Variants in RBFOX1 observed in about 807,000 individuals in gnomAD.
RBFOX1 encodes RNA binding protein fox-1 homolog 1.
RBFOX1 carries 8 observed loss-of-function variants against 57.7 expected under a neutral mutation model. That is an observed-to-expected ratio of 0.14 (90% CI 0.08 to 0.25). RBFOX1 has a LOEUF of 0.25. Ranked by LOEUF, RBFOX1 falls within the 10% of genes least tolerant of loss-of-function variation. The pLI is 1.00. For missense variants in RBFOX1, 611 were observed against 548.5 expected, an observed-to-expected ratio of 1.11 and a Z score of -1.14; for synonymous variants, 326 against 222.4, an observed-to-expected ratio of 1.47 and a Z score of -4.15.
chr16:5,276,640 G>C (rs1053498438), intron 1 of RBFOX1, among the ~76,000 whole-genome samples: 3 of 152,070 alleles, frequency 2.0e-5, no homozygotes, highest in African/African-American at 7.2e-5. Context: ...AAAATTAGCC[G>C]GGCATGGTGG....
At position 5,917,475 on chromosome 16, in the gene RBFOX1, C is replaced by T. The variant is rs530542844; in HGVS notation, c.351+50140C>T. Among the ~76,000 whole-genome samples the T allele has an allele frequency of 6.5e-4, 99 of 152,288 alleles. 1 individual carries two copies. In the South Asian group the frequency reaches 0.019, roughly 29 times the overall value. ...AAGTAATTTTCTCAAGATAATCTGT[C>T]GGATCGGGACCTCATAATGATTGCA... On this transcript the variant is annotated intron_variant, in intron 4 of 19. Transcript: ENST00000641259.
intron 3 of RBFOX1, among the ~76,000 whole-genome samples, chr16:5,701,923 A>C (rs1303683351): frequency 6.6e-6 from 1 of 152,212 alleles, no homozygotes; most frequent in Non-Finnish European, 1.5e-5. Flanking sequence ...TCTTCCACAC[A>C]GTATAAACTC....
chr16:6,872,510 A>T (rs1044708297), intron 3 of RBFOX1, among the ~76,000 whole-genome samples: 5 of 152,208 alleles, frequency 3.3e-5, no homozygotes, highest in African/African-American at 9.6e-5. Context: ...TGAATTCCCT[A>T]TGATTTTCTT....
intron 3 of RBFOX1, among the ~76,000 whole-genome samples, chr16:5,613,775 G>A (rs903086815): frequency 6.6e-6 from 1 of 151,822 alleles, no homozygotes; most frequent in Non-Finnish European, 1.5e-5. Flanking sequence ...TGTCATCCTT[G>A]TTTAACTCCC....
At chr16:7,534,076 CG>C (rs2080860928) in intron 5 of RBFOX1, among the ~76,000 whole-genome samples, 1 of 119,842 alleles carries the variant, frequency 8.3e-6, no homozygotes. Flanking sequence ...AAGGTCCCAA[CG>C]TTTTTTTTCT....
At chr16:6,494,606 C>G (rs774017718) in intron 2 of RBFOX1, among the ~76,000 whole-genome samples, 1 of 152,174 alleles carries the variant, frequency 6.6e-6, no homozygotes, top group African/African-American at 2.4e-5. Context: ...TCTGGGTTGG[C>G]TTTGACCATC....
At chr16:5,652,397 C>T (rs1359686239) in intron 3 of RBFOX1, among the ~76,000 whole-genome samples, 2 of 152,184 alleles carry the variant, frequency 1.3e-5, no homozygotes, top group Non-Finnish European at 2.9e-5. Flanking sequence ...AAAGCCTGTG[C>T]TTTTAACCAC....
intron 2 of RBFOX1, among the ~76,000 whole-genome samples, chr16:5,557,146 G>C (rs2045708639): frequency 6.6e-6 from 1 of 152,114 alleles, no homozygotes; most frequent in South Asian, 2.1e-4. Context: ...TGTAGTCCCA[G>C]CTACTCAGGA....
At chr16:6,878,120 T>G (rs1380252738) in intron 3 of RBFOX1, among the ~76,000 whole-genome samples, 1 of 152,060 alleles carries the variant, frequency 6.6e-6, no homozygotes, top group East Asian at 1.9e-4. Flanking sequence ...TGCAAGGACT[T>G]CTAAGAGAAG....
At chr16:7,646,378 G>T (rs911787834) in intron 11 of RBFOX1, among the ~76,000 whole-genome samples, 5 of 152,160 alleles carry the variant, frequency 3.3e-5, no homozygotes, top group Admixed American at 2.6e-4. Flanking sequence ...CCATCAACCC[G>T]CTGTTGAAAG....
chr16:6,877,373 A>G (rs919134531), intron 3 of RBFOX1, among the ~76,000 whole-genome samples: 3 of 152,194 alleles, frequency 2.0e-5, no homozygotes, highest in African/African-American at 4.8e-5. Flanking sequence ...TAATTCTCTA[A>G]TAACTGACAT....
At chr16:5,402,575 C>G (rs919463936) in intron 1 of RBFOX1, among the ~76,000 whole-genome samples, 2 of 152,194 alleles carry the variant, frequency 1.3e-5, no homozygotes, top group African/African-American at 4.8e-5. Flanking sequence ...ATTCTAAAAA[C>G]TTTTCAGTTG....
At chr16:6,621,165 T>C (rs1034891216) in intron 2 of RBFOX1, among the ~76,000 whole-genome samples, 4 of 152,190 alleles carry the variant, frequency 2.6e-5, no homozygotes, top group Admixed American at 6.5e-5. Context: ...CTTTCTCTTA[T>C]AAAAACACTA....
chr16:7,262,082 C>G (rs1249659633), intron 4 of RBFOX1, among the ~76,000 whole-genome samples: 2 of 151,954 alleles, frequency 1.3e-5, no homozygotes, highest in Non-Finnish European at 2.9e-5. Context: ...CTATGTTTTC[C>G]TTTTGCTGGG....
At chr16:7,418,723 C>G (rs146025110) in intron 4 of RBFOX1, among the ~76,000 whole-genome samples, 4 of 152,134 alleles carry the variant, frequency 2.6e-5, no homozygotes, top group Non-Finnish European at 5.9e-5. Flanking sequence ...CTCTCTAGAA[C>G]TAATACTTTA....
intron 1 of RBFOX1, among the ~76,000 whole-genome samples, chr16:5,332,499 T>C (rs542553984): frequency 3.0e-4 from 46 of 152,206 alleles, no homozygotes; most frequent in Admixed American, 9.2e-4. Flanking sequence ...TCTGGCCTCA[T>C]GTGATCTGCC....
At chr16:6,429,606 C>T (rs114489533) in intron 2 of RBFOX1, among the ~76,000 whole-genome samples, 5,587 of 152,212 alleles carry the variant, frequency 0.037, 365 homozygotes, top group African/African-American at 0.13. Flanking sequence ...TAATAATCCC[C>T]ATGTGTCAAG....
At chr16:5,397,843 G>T (rs984540301) in intron 1 of RBFOX1, among the ~76,000 whole-genome samples, 9 of 152,170 alleles carry the variant, frequency 5.9e-5, no homozygotes, top group Non-Finnish European at 2.9e-5. Flanking sequence ...TTGTTTTAAA[G>T]CCACTTACTT....
chr16:6,728,912 C>T (rs1216484913), intron 3 of RBFOX1, among the ~76,000 whole-genome samples: 2 of 152,150 alleles, frequency 1.3e-5, no homozygotes, highest in Admixed American at 6.6e-5. Flanking sequence ...TACATGTATA[C>T]ATATGCATAC....
Sources: gnomAD v4.1 joint callset for allele counts (sites outside exome capture counted in the v4.1 genomes callset) on GRCh38, gnomAD v4.1.1 for gene constraint, MANE v1.5 for transcripts, NCBI Gene and HGNC (gene_info 2026-07-23, HGNC 2026-07-21) for gene names.